The following WWOX variants were observed in gnomAD, a reference collection of about 807,000 sequenced individuals.
WWOX encodes the protein WW domain-containing oxidoreductase.
A neutral mutation model predicts 46.2 loss-of-function variants in WWOX; 69 were observed. The ratio of observed to expected loss-of-function variants is 1.49; its 90% CI spans 1.23 to 1.82. The LOEUF (loss-of-function observed/expected upper bound fraction) is 1.82. Among genes scored for constraint, WWOX ranks in the 40% most tolerant of loss-of-function variants. The probability of loss-of-function intolerance (pLI) is 0.00; values close to 1 mark genes in which losing one functional copy is unlikely to be tolerated. For missense variants in WWOX, 919 were observed against 542.6 expected (o/e 1.69, Z -6.89); for synonymous variants, 359 against 202.6 (o/e 1.77, Z -6.56).
At chr16:78,130,097 T>A (rs1597242405) in intron 4 of WWOX, 2 of 152,226 alleles carry the variant, frequency 1.3e-5, no homozygotes, top group Non-Finnish European at 2.9e-5. Flanking sequence ...TTGCTTCCTC[T>A]CCTGCCATGA....
chr16:78,382,389 C>T (rs115493908), intron 5 of WWOX, among the ~76,000 whole-genome samples: 11 of 152,192 alleles, frequency 7.2e-5, no homozygotes, highest in Admixed American at 3.3e-4. Flanking sequence ...AACAGAGGCT[C>T]CATCCACCTG....
chr16:78,335,959 G>GT (rs2080879667), intron 5 of WWOX, among the ~76,000 whole-genome samples: 1 of 152,050 alleles, frequency 6.6e-6, no homozygotes, highest in African/African-American at 2.4e-5. Flanking sequence ...GGGTGTAGTG[G>GT]TGCACACCTG....
intron 8 of WWOX, among the ~76,000 whole-genome samples, chr16:78,438,775 G>A (rs1225225303): frequency 6.6e-6 from 1 of 152,172 alleles, no homozygotes; most frequent in Non-Finnish European, 1.5e-5. Flanking sequence ...TGTAAAGCCA[G>A]TCATCGTGCT....
chr16:78,489,416 T>TA (rs1319436695), intron 8 of WWOX, among the ~76,000 whole-genome samples: 2 of 152,188 alleles, frequency 1.3e-5, no homozygotes, highest in Non-Finnish European at 2.9e-5. Flanking sequence ...CCTGCTAACA[T>TA]ACATTTCAGT....
intron 5 of WWOX, among the ~76,000 whole-genome samples, chr16:78,369,066 T>TA (rs2081604582): frequency 6.6e-6 from 1 of 152,180 alleles, no homozygotes; most frequent in South Asian, 2.1e-4. Context: ...TTTCCCTTTT[T>TA]TTTTTAACTA....
At chr16:78,248,464 C>T (rs1352595531) in intron 5 of WWOX, among the ~76,000 whole-genome samples, 1 of 152,138 alleles carries the variant, frequency 6.6e-6, no homozygotes, top group Non-Finnish European at 1.5e-5. Context: ...AGGCTGGGTG[C>T]GGTGGCACAC....
At chr16:78,922,009 C>G (rs78530560) in intron 8 of WWOX, among the ~76,000 whole-genome samples, 1,634 of 152,290 alleles carry the variant, frequency 0.011, 17 homozygotes, top group Non-Finnish European at 0.017. Context: ...TGTCCTCTAC[C>G]CATGACATCA....
chr16:78,980,005 G>C (rs937310966), intron 8 of WWOX, among the ~76,000 whole-genome samples: 4 of 152,120 alleles, frequency 2.6e-5, no homozygotes, highest in Non-Finnish European at 5.9e-5. Context: ...GTGGGCACCT[G>C]TACTTCCAGC....
chr16:79,033,266 C>A (rs962405900), intron 8 of WWOX, among the ~76,000 whole-genome samples: 1 of 146,684 alleles, frequency 6.8e-6, no homozygotes, highest in African/African-American at 2.5e-5. Context: ...TTTGTTATTG[C>A]CCCCACCAAA....
Position 78,578,254 on chromosome 16 carries a change from T to TTATATATATATATATATA in WWOX, c.1056+145516_1056+145533dup, listed in dbSNP as rs1194130355. Among the ~76,000 whole-genome samples, 108 of 31,618 alleles carry TTATATATATATATATATA rather than the reference T, an allele frequency of 3.4e-3. 5 individuals are homozygous for TTATATATATATATATATA. Among genetic ancestry groups the TTATATATATATATATATA allele is most frequent in the Non-Finnish European group, 4.7e-3 (78 of 16,596 alleles). The allele number at this position is 31,618 out of a possible 152,430, so 20.7% of individuals were successfully genotyped here. ...TACAAATATATGTGCATACCAAATTTTATATATATATATATATATATATAT... is the reference window on the plus strand; with the variant it reads ...TACAAATATATGTGCATACCAAATTTTATATATATATATATATATATATATATATATATATATATATAT... On this transcript the variant is annotated intron_variant, in intron 8 of 8. Transcript: ENST00000566780.
intron 8 of WWOX, among the ~76,000 whole-genome samples, chr16:78,920,472 C>T (rs539405205): frequency 1.1e-4 from 16 of 152,266 alleles, no homozygotes; most frequent in African/African-American, 2.4e-4. Flanking sequence ...TCGCTGACCC[C>T]GAATGACTGG....
At chr16:78,770,002 C>G (rs959509385) in intron 8 of WWOX, among the ~76,000 whole-genome samples, 4 of 151,954 alleles carry the variant, frequency 2.6e-5, no homozygotes, top group African/African-American at 9.7e-5. Flanking sequence ...TATGATCTCA[C>G]CTCTGTACTA....
chr16:78,595,497 C>T (rs140674544), intron 8 of WWOX, among the ~76,000 whole-genome samples: 6 of 152,320 alleles, frequency 3.9e-5, no homozygotes, highest in African/African-American at 1.4e-4. Flanking sequence ...CTCATGACTT[C>T]ACGTGGCTAT....
At chr16:78,310,261 A>G (rs548910475) in intron 5 of WWOX, among the ~76,000 whole-genome samples, 2 of 152,018 alleles carry the variant, frequency 1.3e-5, no homozygotes, top group South Asian at 2.1e-4. Context: ...TTTCACCTCT[A>G]TTGTATGTGG....
At chr16:79,191,916 G>T (rs1411783842) in intron 8 of WWOX, among the ~76,000 whole-genome samples, 1 of 152,164 alleles carries the variant, frequency 6.6e-6, no homozygotes, top group Non-Finnish European at 1.5e-5. Flanking sequence ...GAGTTTAAGG[G>T]AGCAAGAGAT....
At chr16:78,548,509 T>G (rs888848498) in intron 8 of WWOX, among the ~76,000 whole-genome samples, 1 of 152,206 alleles carries the variant, frequency 6.6e-6, no homozygotes, top group African/African-American at 2.4e-5. Context: ...TAAAATTGTT[T>G]TGCAAACATT....
At chr16:78,387,016 A>G (rs763221712) in intron 6 of WWOX, 68 bp downstream of exon 6, 25 of 1,479,118 alleles carry the variant, frequency 1.7e-5, no homozygotes, top group Non-Finnish European at 2.3e-5. Context: ...TCAGATGAAC[A>G]CAATTGGGAG....
chr16:78,576,382 G>A lies in WWOX; in HGVS notation c.1056+143630G>A, dbSNP rs148291968. On this transcript the variant is annotated intron_variant, in intron 8 of 8. Transcript: ENST00000566780. Reference sequence around the variant, plus strand: ...CTCCCAAAAGACATAGCTTGGTTTAGCATAGAGCTATGATGTGTTTTCTCT... The same window carrying A: ...CTCCCAAAAGACATAGCTTGGTTTAACATAGAGCTATGATGTGTTTTCTCT... Among the ~76,000 whole-genome samples, 208 of 152,302 alleles carry A rather than the reference G, an allele frequency of 1.4e-3. 2 individuals are homozygous for A. The highest frequency in any genetic ancestry group is 4.8e-3 in the African/African-American group (198 of 41,566).
In WWOX at chr16:79,212,292, TAGCAACTGCTGGGGAGACA is replaced by T. The variant is rs2051791620; in HGVS notation, c.*498_*516del. On this transcript the variant is annotated 3_prime_UTR_variant, in exon 9 of 9. Transcript: ENST00000566780. Reference sequence around the variant, plus strand: ...CATCCTGACCAAGACTGAGCCAGCTTAGCAACTGCTGGGGAGACAAATCTCAGAACCTTGTCCCAGCCAG... The same window carrying T: ...CATCCTGACCAAGACTGAGCCAGCTTAATCTCAGAACCTTGTCCCAGCCAG... 13 of 1,048,892 alleles carry T rather than the reference TAGCAACTGCTGGGGAGACA, an allele frequency of 1.2e-5. No individual in the cohort carries two copies. The South Asian group carries it at 2.3e-4, about 19-fold the overall frequency. The allele number at this position is 1,048,892 out of a possible 1,614,324, so 65.0% of individuals were successfully genotyped here. A position where few individuals can be genotyped will look rare whatever the true frequency, so the allele number is the denominator to read the frequency against.
Sources: gnomAD v4.1 joint callset for allele counts (sites outside exome capture counted in the v4.1 genomes callset) on GRCh38, gnomAD v4.1.1 for gene constraint, MANE v1.5 for transcripts, NCBI Gene and HGNC (gene_info 2026-07-23, HGNC 2026-07-21) for gene names.